HECW1: variants seen among roughly 807,000 people sequenced by gnomAD.
HECW1 encodes the protein E3 ubiquitin-protein ligase HECW1.
In HECW1, 61 loss-of-function variants were observed where a neutral mutation model predicts 182.3. The ratio of observed to expected loss-of-function variants is 0.33; its 90% CI spans 0.27 to 0.41. The LOEUF (loss-of-function observed/expected upper bound fraction) is 0.41, where lower values mean the gene tolerates loss of function less well. Ranked by LOEUF, HECW1 falls within the 10% of genes least tolerant of loss-of-function variation. The probability of loss-of-function intolerance (pLI) is 1.00; values close to 1 mark genes in which losing one functional copy is unlikely to be tolerated. For synonymous variants in HECW1, 859 were observed against 832.6 expected (o/e 1.03, Z -0.55); for missense variants, 1,739 against 2,108.9 (o/e 0.82, Z 3.44).
rs180998124 is a variant in HECW1, at chr7:43,544,041, G to A, written c.4248+2043G>A. Among the ~76,000 whole-genome samples the A allele has an allele frequency of 1.6e-3, 236 of 152,002 alleles. 1 individual carries two copies. The highest frequency in any genetic ancestry group is 1.9e-3 in the Non-Finnish European group (128 of 67,994). On this transcript the variant is annotated intron_variant, in intron 26 of 29. Transcript: ENST00000395891. ...TCATGACACTAAATAAATTCCAGCT[G>A]GATCAGAAACCTGAATGTAAAAATT...
At chr7:43,233,865 G>A (rs191193962) in intron 2 of HECW1, among the ~76,000 whole-genome samples, 37 of 152,316 alleles carry the variant, frequency 2.4e-4, no homozygotes, top group Non-Finnish European at 2.9e-4. Flanking sequence ...AACACAATGG[G>A]CATAATAGAA....
At chr7:43,247,703 A>G (rs1260830503) in intron 3 of HECW1, among the ~76,000 whole-genome samples, 196 of 67,750 alleles carry the variant, frequency 2.9e-3, no homozygotes, top group African/African-American at 6.4e-3. Context: ...AAGGAAGGGG[A>G]GAGGGAGGGA....
intron 2 of HECW1, among the ~76,000 whole-genome samples, chr7:43,234,510 CT>C (rs34417565): frequency 2.6e-5 from 4 of 151,240 alleles, no homozygotes; most frequent in South Asian, 2.1e-4. Flanking sequence ...CACCTCAGGC[CT>C]TTTTTTTTGC....
rs116567951 is a variant in HECW1, at chr7:43,270,240, A to G, written c.27+26308A>G. ...GTCATTCAGCAGCAGCTTGGCTGGC[A>G]GGTTTAGACTTCGGATCTCTTAGAA... On this transcript the variant is annotated intron_variant, in intron 3 of 29. Coordinates refer to ENST00000395891, the MANE Select transcript of HECW1 (RefSeq NM_015052.5). Among the ~76,000 whole-genome samples, 1,456 of 152,278 alleles carry G rather than the reference A, an allele frequency of 9.6e-3. 31 individuals carry two copies. The highest frequency in any genetic ancestry group is 0.033 in the African/African-American group (1,373 of 41,558).
chr7:43,342,821 C>T (rs544212496), intron 5 of HECW1, among the ~76,000 whole-genome samples: 2 of 151,440 alleles, frequency 1.3e-5, no homozygotes, highest in Non-Finnish European at 2.9e-5. Flanking sequence ...GTCAGGAGAT[C>T]GAGACCATCC....
intron 2 of HECW1, among the ~76,000 whole-genome samples, chr7:43,231,577 C>A (rs147952398): frequency 4.9e-4 from 75 of 152,250 alleles, no homozygotes; most frequent in Non-Finnish European, 9.9e-4. Flanking sequence ...CAGAGACATA[C>A]TTCCCCTGGT....
chr7:43,424,885 G>T (rs2076307000), intron 8 of HECW1, among the ~76,000 whole-genome samples: 1 of 151,962 alleles, frequency 6.6e-6, no homozygotes, highest in Non-Finnish European at 1.5e-5. Flanking sequence ...GAGCAGAGAA[G>T]GTATTATGTA....
intron 27 of HECW1, among the ~76,000 whole-genome samples, chr7:43,551,976 C>G (rs529384608): frequency 4.6e-5 from 7 of 152,176 alleles, no homozygotes; most frequent in African/African-American, 1.7e-4. Context: ...TAAGCACCCC[C>G]CCAAAGGCCC....
rs1402424394 is a variant in HECW1, at chr7:43,508,979, A to T, written c.3877A>T (p.Ser1293Cys). 3.1e-6 allele frequency: 5 copies of T among 1,613,812 alleles called. No homozygotes were observed. Among genetic ancestry groups the T allele is most frequent in the Non-Finnish European group, 4.2e-6 (5 of 1,179,920 alleles). The change falls in exon 24 of 30, where the codon AGT (serine) becomes TGT (cysteine). Residue 1293 changes from serine (S) to cysteine (C), a missense_variant. By Grantham distance (112) the Ser-to-Cys change is moderately radical (BLOSUM62 -1). Transcript: ENST00000395891. ...CTGCTTTCTTTGCAGCCTGGACTAC[A>T]GTGGCCCCTCGCGGGAGTTCTTCTT... ...TFVGEEGLDY[S>C]GPSREFFFLL...
chr7:43,337,902 C>T (rs904802411), intron 5 of HECW1, among the ~76,000 whole-genome samples: 1 of 152,186 alleles, frequency 6.6e-6, no homozygotes, highest in African/African-American at 2.4e-5. Flanking sequence ...CCAGTTCCTG[C>T]ACCCTGAATC....
At chr7:43,469,145 T>G in intron 16 of HECW1, 40 bp downstream of exon 16, 1 of 1,593,994 alleles carries the variant, frequency 6.3e-7, no homozygotes, top group Non-Finnish European at 8.6e-7. Flanking sequence ...TCAAACAGGC[T>G]CCTTCCCCAG....
At chr7:43,456,843 A>C (rs549115615) in intron 13 of HECW1, among the ~76,000 whole-genome samples, 1 of 152,236 alleles carries the variant, frequency 6.6e-6, no homozygotes, top group African/African-American at 2.4e-5. Context: ...CACACCCATC[A>C]TACAGTTCTC....
At chr7:43,347,920 C>A (rs4591931) in intron 5 of HECW1, among the ~76,000 whole-genome samples, 5,484 of 152,192 alleles carry the variant, frequency 0.036, 330 homozygotes, top group African/African-American at 0.12. Flanking sequence ...ATTCATTTAG[C>A]TACTATTTTG....
intron 3 of HECW1, among the ~76,000 whole-genome samples, chr7:43,269,345 A>C (rs1344830711): frequency 6.6e-6 from 1 of 152,236 alleles, no homozygotes; most frequent in Non-Finnish European, 1.5e-5. Context: ...AGCAGTTTGA[A>C]GTTGCCCCCG....
At chr7:43,292,427 A>T (rs1441304404) in intron 3 of HECW1, among the ~76,000 whole-genome samples, 1 of 152,234 alleles carries the variant, frequency 6.6e-6, no homozygotes, top group East Asian at 1.9e-4. Context: ...CCTTGATAAC[A>T]AGGCATCAGG....
At chr7:43,355,170 T>G (rs1198207367) in intron 5 of HECW1, among the ~76,000 whole-genome samples, 1 of 152,040 alleles carries the variant, frequency 6.6e-6, no homozygotes, top group Non-Finnish European at 1.5e-5. Context: ...AAGAAATGCT[T>G]AAGAGAGTTA....
At chr7:43,514,315 T>TTTTTA (rs2080028717) in intron 24 of HECW1, among the ~76,000 whole-genome samples, 1 of 151,304 alleles carries the variant, frequency 6.6e-6, no homozygotes, top group Non-Finnish European at 1.5e-5. Context: ...TTTTTTTTTT[T>TTTTTA]GAGATGGAAT....
intron 19 of HECW1, among the ~76,000 whole-genome samples, chr7:43,499,179 G>T (rs111615751): frequency 0.16 from 24,097 of 152,048 alleles, 2,448 homozygotes; most frequent in Non-Finnish European, 0.22. Flanking sequence ...TACATGGGGG[G>T]ACTGAGGCAG....
At chr7:43,448,155 A>G (rs540535256) in intron 11 of HECW1, among the ~76,000 whole-genome samples, 131 of 152,194 alleles carry the variant, frequency 8.6e-4, no homozygotes, top group Non-Finnish European at 1.3e-3. Context: ...GAGAGAGAGA[A>G]AAAAAAACTG....
Sources: gnomAD v4.1 joint callset for allele counts (sites outside exome capture counted in the v4.1 genomes callset) on GRCh38, gnomAD v4.1.1 for gene constraint, MANE v1.5 for transcripts, NCBI Gene and HGNC (gene_info 2026-07-23, HGNC 2026-07-21) for gene names.